The following MYO16 variants were observed in gnomAD, a reference collection of about 807,000 sequenced individuals.
The protein encoded by MYO16 is myosin XVI.
MYO16 carries 94 observed loss-of-function variants against 205.3 expected under a neutral mutation model. The ratio of observed to expected loss-of-function variants is 0.46; its 90% CI spans 0.39 to 0.54. MYO16 has a LOEUF of 0.54. Ranked by LOEUF, MYO16 falls within the 20% of genes least tolerant of loss-of-function variation. The probability of loss-of-function intolerance (pLI) is 0.00; values close to 1 mark genes in which losing one functional copy is unlikely to be tolerated. For synonymous variants in MYO16, 988 were observed against 954.0 expected (o/e 1.04, Z -0.66); for missense variants, 2,315 against 2,387.5 (o/e 0.97, Z 0.63).
At chr13:109,019,971 A>G in intron 23 of MYO16, 60 bp downstream of exon 23, 1 of 1,523,820 alleles carries the variant, frequency 6.6e-7, no homozygotes, top group South Asian at 1.2e-5. Flanking sequence ...TCCTTGGGAC[A>G]AGCTCTAGAG....
At chr13:108,972,855 T>C (rs1328326482) in intron 20 of MYO16, among the ~76,000 whole-genome samples, 1 of 149,046 alleles carries the variant, frequency 6.7e-6, no homozygotes, top group Non-Finnish European at 1.5e-5. Context: ...GTGGGTTTTC[T>C]TTTTTTGTTT....
chr13:108,707,384 T>C (rs929759052), intron 2 of MYO16, among the ~76,000 whole-genome samples: 2 of 152,194 alleles, frequency 1.3e-5, no homozygotes, highest in African/African-American at 4.8e-5. Flanking sequence ...TTTGACTGCC[T>C]GAATTTAATA....
intron 27 of MYO16, among the ~76,000 whole-genome samples, chr13:109,068,483 A>G (rs1244004232): frequency 1.3e-5 from 2 of 148,408 alleles, no homozygotes; most frequent in African/African-American, 5.0e-5. Context: ...GGGCATGGCT[A>G]TACGCCTGGG....
chr13:108,690,147 A>C (rs1858408704), intron 2 of MYO16, among the ~76,000 whole-genome samples: 1 of 152,084 alleles, frequency 6.6e-6, no homozygotes, highest in Non-Finnish European at 1.5e-5. Flanking sequence ...CATGCAAAAC[A>C]AAACAAAAAT....
chr13:109,136,631 C>G (rs932356194), intron 31 of MYO16, among the ~76,000 whole-genome samples: 1 of 152,128 alleles, frequency 6.6e-6, no homozygotes, highest in African/African-American at 2.4e-5. Flanking sequence ...TTCTATTTTC[C>G]ACATGACTGT....
intron 2 of MYO16, among the ~76,000 whole-genome samples, chr13:108,695,009 G>T (rs1883036176): frequency 6.6e-6 from 1 of 152,200 alleles, no homozygotes; most frequent in Non-Finnish European, 1.5e-5. Flanking sequence ...CTACTCAGGA[G>T]GCTGAGGCAG....
At chr13:108,617,935 A>G (rs1291074570) in intron 1 of MYO16, among the ~76,000 whole-genome samples, 1 of 152,074 alleles carries the variant, frequency 6.6e-6, no homozygotes, top group East Asian at 1.9e-4. Context: ...TTCCCTCACC[A>G]GATAGGCAGA....
chr13:108,985,819 A>T (rs913294116), intron 20 of MYO16, among the ~76,000 whole-genome samples: 1 of 152,222 alleles, frequency 6.6e-6, no homozygotes, highest in Admixed American at 6.5e-5. Flanking sequence ...CTAATAATCT[A>T]TCACAGTGCA....
At chr13:108,920,280 T>TTTTCTC (rs1881681971) in intron 16 of MYO16, among the ~76,000 whole-genome samples, 4 of 151,204 alleles carry the variant, frequency 2.6e-5, no homozygotes, top group East Asian at 3.9e-4. Flanking sequence ...CCACTCCTTT[T>TTTTCTC]TTTCTCTTTC....
intron 3 of MYO16, among the ~76,000 whole-genome samples, chr13:108,724,725 C>A (rs1245127051): frequency 6.6e-6 from 1 of 152,076 alleles, no homozygotes; most frequent in Non-Finnish European, 1.5e-5. Context: ...CAGGTGGCAT[C>A]CTACCCATTC....
At chr13:108,782,444 T>C (rs1886331974) in intron 4 of MYO16, among the ~76,000 whole-genome samples, 1 of 152,168 alleles carries the variant, frequency 6.6e-6, no homozygotes, top group South Asian at 2.1e-4. Context: ...GCATTCCTTT[T>C]TAAAAGGGAA....
chr13:108,616,781 G>A (rs1249189766), intron 1 of MYO16, among the ~76,000 whole-genome samples: 1 of 152,118 alleles, frequency 6.6e-6, no homozygotes, highest in East Asian at 1.9e-4. Flanking sequence ...GGAATTGTTA[G>A]GACCTATTCA....
At chr13:108,940,926 TAAACA>T (rs899270297) in intron 16 of MYO16, among the ~76,000 whole-genome samples, 89 of 152,334 alleles carry the variant, frequency 5.8e-4, no homozygotes, top group African/African-American at 2.1e-3. Flanking sequence ...CAAAGTCAAT[TAAACA>T]AAACAAAATT....
chr13:108,821,805 T>C (rs1305172659), intron 8 of MYO16, among the ~76,000 whole-genome samples: 2 of 152,156 alleles, frequency 1.3e-5, no homozygotes, highest in African/African-American at 4.8e-5. Flanking sequence ...ATGAGGACTC[T>C]CTCAGGCAAC....
At chr13:109,198,113 C>A (rs1318484798) in intron 34 of MYO16, among the ~76,000 whole-genome samples, 1 of 152,118 alleles carries the variant, frequency 6.6e-6, no homozygotes, top group African/African-American at 2.4e-5. Flanking sequence ...CTGCTCTTTT[C>A]TCATTAACCT....
intron 9 of MYO16, among the ~76,000 whole-genome samples, 164 bp from the exon 10 acceptor site, chr13:108,844,179 T>A (rs1172457744): frequency 6.6e-6 from 1 of 152,222 alleles, no homozygotes; most frequent in Admixed American, 6.5e-5. Context: ...ATTAATTTTT[T>A]AAAAGTTTAC....
At chr13:108,593,890 C>T (rs948955148), upstream of MYO16, among the ~76,000 whole-genome samples, 20 of 152,246 alleles carry the variant, frequency 1.3e-4, no homozygotes, top group African/African-American at 4.8e-4. Flanking sequence ...AAGCACAGAA[C>T]AGCCTCTGAC....
chr13:109,120,278 C>T, intron 28 of MYO16, 92 bp from the exon 29 acceptor site: 1 of 853,008 alleles, frequency 1.2e-6, no homozygotes, highest in Non-Finnish European at 1.8e-6. Flanking sequence ...TCTTCTAATC[C>T]TCTGCTGGAA....
intron 28 of MYO16, among the ~76,000 whole-genome samples, chr13:109,114,086 G>A (rs555652369): frequency 2.0e-5 from 3 of 151,990 alleles, no homozygotes; most frequent in Non-Finnish European, 4.4e-5. Context: ...TCACTGGGGA[G>A]CAGCAACATA....
Sources: allele counts gnomAD v4.1 joint callset (sites outside exome capture counted in the v4.1 genomes callset), GRCh38; gene constraint gnomAD v4.1.1; transcripts MANE v1.5; gene names NCBI Gene and HGNC (gene_info 2026-07-23, HGNC 2026-07-21).